Variants in CUL3 observed in about 807,000 individuals in gnomAD.
CUL3 encodes the protein cullin-3.
CUL3 carries 19 observed loss-of-function variants against 89.1 expected under a neutral mutation model. The observed-to-expected ratio is 0.21, with a 90% CI of 0.15 to 0.31. The LOEUF (loss-of-function observed/expected upper bound fraction) is 0.31, where lower values mean the gene tolerates loss of function less well. Ranked by LOEUF, CUL3 falls within the 10% of genes least tolerant of loss-of-function variation. CUL3 has a pLI of 1.00. For missense variants in CUL3, 469 were observed against 942.3 expected (o/e 0.50, Z 6.58); for synonymous variants, 351 against 308.4 (o/e 1.14, Z -1.45).
chr2:224,583,457 A>G (rs1209488398), intron 1 of CUL3, among the ~76,000 whole-genome samples: 2 of 152,254 alleles, frequency 1.3e-5, no homozygotes, highest in Non-Finnish European at 2.9e-5. Context: ...TAGGAAAATT[A>G]ATATCACTCA....
intron 11 of CUL3, among the ~76,000 whole-genome samples, chr2:224,498,582 C>T (rs192471727): frequency 9.5e-4 from 144 of 152,286 alleles, no homozygotes; most frequent in Non-Finnish European, 1.7e-3. Context: ...AGTGCCTAAA[C>T]CAGTAGGATC....
At position 224,510,383 on chromosome 2, in the gene CUL3, G is replaced by C. The variant is rs188266009; in HGVS notation, c.883+971C>G. On this transcript the variant is annotated intron_variant, in intron 6 of 15. Transcript: ENST00000264414. Reference sequence around the variant, plus strand: ...ACATTTAACAATTTTAAAACACAAGGTAAGGATTCCACTAGAGATAAACAT... The same window carrying C: ...ACATTTAACAATTTTAAAACACAAGCTAAGGATTCCACTAGAGATAAACAT... Among the ~76,000 whole-genome samples the C allele has an allele frequency of 2.3e-3, 351 of 151,648 alleles. 1 individual carries two copies. Among genetic ancestry groups the C allele is most frequent in the Non-Finnish European group, 2.1e-3 (141 of 67,914 alleles).
At chr2:224,538,316 C>A (rs932839204) in intron 2 of CUL3, among the ~76,000 whole-genome samples, 3 of 151,882 alleles carry the variant, frequency 2.0e-5, no homozygotes, top group Non-Finnish European at 2.9e-5. Context: ...CAAACATACA[C>A]AATAAAATGG....
At chr2:224,523,243 T>C (rs1331522163) in intron 3 of CUL3, among the ~76,000 whole-genome samples, 1 of 152,184 alleles carries the variant, frequency 6.6e-6, no homozygotes, top group Non-Finnish European at 1.5e-5. Context: ...GCCTCATCTG[T>C]AAAATAACAT....
chr2:224,547,724 T>A (rs934364585), intron 2 of CUL3, among the ~76,000 whole-genome samples: 12 of 152,146 alleles, frequency 7.9e-5, no homozygotes, highest in African/African-American at 2.9e-4. Flanking sequence ...AGTCATTATA[T>A]ATTGTATATA....
intron 4 of CUL3, 100 bp from the exon 5 acceptor site, chr2:224,513,738 A>C (rs2106221458): frequency 1.3e-6 from 1 of 795,938 alleles, no homozygotes. Context: ...CAGGACATTT[A>C]ACTCTTACTG....
At chr2:224,512,590 C>T (rs190192319) in intron 5 of CUL3, among the ~76,000 whole-genome samples, 1 of 152,270 alleles carries the variant, frequency 6.6e-6, no homozygotes, top group African/African-American at 2.4e-5. Context: ...TTTAGCTTTA[C>T]TTTTAGCAAT....
intron 13 of CUL3, chr2:224,495,599 G>A (rs900153733): frequency 6.3e-5 from 19 of 303,008 alleles, no homozygotes; most frequent in Admixed American, 2.0e-4. Flanking sequence ...TCATCAAATT[G>A]TCTACTTATA....
At chr2:224,576,330 G>A (rs537666405) in intron 1 of CUL3, among the ~76,000 whole-genome samples, 5 of 146,752 alleles carry the variant, frequency 3.4e-5, no homozygotes, top group South Asian at 2.1e-4. Context: ...AGACTGGACC[G>A]CAGACTAAGT....
At chr2:224,513,486 A>AT (rs1692918932) in intron 5 of CUL3, 38 bp downstream of exon 5, 2 of 1,256,634 alleles carry the variant, frequency 1.6e-6, no homozygotes, top group Non-Finnish European at 2.3e-6. Flanking sequence ...CATTAAGAAC[A>AT]TCTTAAAAGA....
At chr2:224,543,665 A>G (rs556592818) in intron 2 of CUL3, among the ~76,000 whole-genome samples, 2 of 152,200 alleles carry the variant, frequency 1.3e-5, no homozygotes, top group Non-Finnish European at 2.9e-5. Flanking sequence ...ATTTCCTTAA[A>G]GCATCATCTC....
chr2:224,579,944 A>C (rs1381110458), intron 1 of CUL3, among the ~76,000 whole-genome samples: 2 of 152,230 alleles, frequency 1.3e-5, no homozygotes, highest in African/African-American at 4.8e-5. Flanking sequence ...CCAGACAGTA[A>C]AAATGGTAAG....
chr2:224,504,118 A>C, intron 8 of CUL3: 1 of 214,952 alleles, frequency 4.7e-6, no homozygotes, highest in Non-Finnish European at 9.1e-6. Flanking sequence ...GATGATTGAG[A>C]ACAGATGAAA....
rs1218048459 is a variant in CUL3, at chr2:224,506,872, C to A, written c.1015G>T (p.Val339Phe). ...VSEEGEGKNP[V>F]DYIQGLLDLK... is the part of the protein sequence containing the mutation. Reference sequence around the variant, plus strand: ...GGTTTACTTACCTGGATATAGTCAACAGGATTCTTTCCTTCTCCTTCTTCA... The same window carrying A: ...GGTTTACTTACCTGGATATAGTCAAAAGGATTCTTTCCTTCTCCTTCTTCA... The change falls in exon 7 of 16, where the codon GTT becomes TTT. Residue 339 changes from valine (V) to phenylalanine (F), a missense_variant. Transcript: ENST00000264414. 1 of 1,613,342 alleles carries A rather than the reference C, an allele frequency of 6.2e-7. No homozygotes were observed. The highest frequency in any genetic ancestry group is 8.5e-7 in the Non-Finnish European group (1 of 1,179,656).
In CUL3 at chr2:224,557,701, G is replaced by A. The variant is rs749847079; in HGVS notation, c.222C>T (p.Tyr74=). 4 of 1,612,512 alleles carry A rather than the reference G, an allele frequency of 2.5e-6. No individual in the cohort carries two copies. Among genetic ancestry groups the A allele is most frequent in the East Asian group, 2.2e-5 (1 of 44,754 alleles). Residue 74 remains tyrosine (Y), a synonymous_variant, in exon 2 of 16, where the codon TAC becomes TAT. Transcript: ENST00000264414. ...CGGTAACAACTTCTCTTAGTCCAGT[G>A]TAGAGCTTTTCTCCATGTTTATGCA... ...MVLHKHGEKL[Y]TGLREVVTEH...
chr2:224,561,835 G>C (rs1177368229), intron 1 of CUL3, among the ~76,000 whole-genome samples: 1 of 152,158 alleles, frequency 6.6e-6, no homozygotes, highest in Non-Finnish European at 1.5e-5. Flanking sequence ...GTTTTAGTTT[G>C]TTGACTACAT....
At chr2:224,540,087 C>T (rs1261586575) in intron 2 of CUL3, among the ~76,000 whole-genome samples, 9 of 148,220 alleles carry the variant, frequency 6.1e-5, no homozygotes, top group Admixed American at 4.1e-4. Flanking sequence ...GATGGAGTAT[C>T]GCTCTGTTGC....
At chr2:224,490,498 T>TTGG (rs975075063) in intron 13 of CUL3, among the ~76,000 whole-genome samples, 2 of 152,070 alleles carry the variant, frequency 1.3e-5, no homozygotes, top group Non-Finnish European at 2.9e-5. Flanking sequence ...TTTCCGCGTC[T>TTGG]TGGTGGTAGT....
chr2:224,557,662 A>C lies in CUL3; in HGVS notation c.261T>G (p.Asn87Lys), dbSNP rs762185486. The C allele has an allele frequency of 6.2e-7, 1 of 1,603,460 alleles. No individual in the cohort carries two copies. The highest frequency in any genetic ancestry group is 2.2e-5 in the East Asian group (1 of 44,724). ...LREVVTEHLI[N>K]KVREDVLNSL... is the part of the protein sequence containing the mutation. ...ACAGTCCTTTAAAGTTTGATACCTT[A>C]TTTATGAGATGTTCGGTAACAACTT... Residue 87 changes from asparagine (N) to lysine (K), a missense_variant, in exon 2 of 16, where the codon AAT becomes AAG. Around this residue, in one of 4 missense-constraint regions of CUL3, gnomAD observed 370 missense variants for 733.2 expected, o/e 0.50. Transcript: ENST00000264414.
Sources: allele counts gnomAD v4.1 joint callset (sites outside exome capture counted in the v4.1 genomes callset), GRCh38; gene constraint gnomAD v4.1.1; regional missense constraint gnomAD v4.1.1; transcripts MANE v1.5; gene names NCBI Gene and HGNC (gene_info 2026-07-23, HGNC 2026-07-21).